Variants in NOL4 observed in about 807,000 individuals in gnomAD.
The protein encoded by NOL4 is nucleolar protein 4.
NOL4 carries 17 observed loss-of-function variants against 75.9 expected under a neutral mutation model. The ratio of observed to expected loss-of-function variants is 0.22; its 90% CI spans 0.15 to 0.34. The LOEUF is 0.34. Among genes scored for constraint, NOL4 ranks in the 10% least tolerant of loss-of-function variants. The pLI is 1.00. For missense variants in NOL4, 614 were observed against 793.5 expected, an observed-to-expected ratio of 0.77 and a Z score of 2.72; for synonymous variants, 292 against 289.9, an observed-to-expected ratio of 1.01 and a Z score of -0.07.
At chr18:34,125,578 T>C (rs2080347870) in intron 2 of NOL4, among the ~76,000 whole-genome samples, 1 of 152,042 alleles carries the variant, frequency 6.6e-6, no homozygotes, top group South Asian at 2.1e-4. Flanking sequence ...TAAAAAGAAC[T>C]AGGCAAAAAA....
chr18:34,125,281 T>C (rs2080333985), intron 2 of NOL4, among the ~76,000 whole-genome samples: 2 of 152,174 alleles, frequency 1.3e-5, no homozygotes, highest in South Asian at 4.1e-4. Flanking sequence ...CCTATTTCAA[T>C]ACTGTTAAGA....
intron 4 of NOL4, among the ~76,000 whole-genome samples, chr18:34,093,856 G>A (rs1246735163): frequency 2.0e-5 from 3 of 152,048 alleles, no homozygotes; most frequent in East Asian, 3.9e-4. Flanking sequence ...TGGCTAACAC[G>A]GTGAAACCCC....
intron 6 of NOL4, among the ~76,000 whole-genome samples, chr18:34,003,370 A>G (rs2073847398): frequency 6.6e-6 from 1 of 152,064 alleles, no homozygotes; most frequent in South Asian, 2.1e-4. Flanking sequence ...GGCTGGCATG[A>G]TATGTGGCAT....
At chr18:34,181,397 C>T (rs1031913140) in intron 1 of NOL4, among the ~76,000 whole-genome samples, 1 of 151,448 alleles carries the variant, frequency 6.6e-6, no homozygotes, top group Non-Finnish European at 1.5e-5. Flanking sequence ...ATACCTATGT[C>T]ATATCATATC....
chr18:33,857,047 A>G (rs1481996916), intron 10 of NOL4, among the ~76,000 whole-genome samples: 4 of 152,168 alleles, frequency 2.6e-5, no homozygotes, highest in South Asian at 2.1e-4. Flanking sequence ...AGTCACAACC[A>G]TATTATTTTA....
At chr18:34,153,087 GGTTGTTTCCA>G (rs2081722968) in intron 1 of NOL4, among the ~76,000 whole-genome samples, 2 of 151,596 alleles carry the variant, frequency 1.3e-5, no homozygotes, top group Admixed American at 6.6e-5. Context: ...GAAACAACGG[GGTTGTTTCCA>G]GTTGTTTCTA....
intron 5 of NOL4, among the ~76,000 whole-genome samples, chr18:34,070,694 C>A (rs1433626996): frequency 6.6e-6 from 1 of 151,892 alleles, no homozygotes; most frequent in African/African-American, 2.4e-5. Context: ...GTAGAAGCTG[C>A]ACTATAAGAC....
chr18:33,976,625 T>G (rs1273708148), intron 6 of NOL4, among the ~76,000 whole-genome samples: 1 of 152,154 alleles, frequency 6.6e-6, no homozygotes, highest in South Asian at 2.1e-4. Context: ...AGTACTTTGA[T>G]GTTTGATGAT....
intron 6 of NOL4, among the ~76,000 whole-genome samples, chr18:33,959,966 C>T (rs1179114625): frequency 6.6e-6 from 1 of 151,488 alleles, no homozygotes; most frequent in African/African-American, 2.4e-5. Flanking sequence ...TGCGTGTATG[C>T]ACATGTGTGT....
chr18:34,064,014 T>C (rs901573368), intron 5 of NOL4, among the ~76,000 whole-genome samples: 3 of 152,068 alleles, frequency 2.0e-5, no homozygotes, highest in African/African-American at 7.2e-5. Context: ...CACTGACTGG[T>C]ATAATTGAGT....
intron 5 of NOL4, among the ~76,000 whole-genome samples, chr18:34,025,642 T>G (rs547151392): frequency 6.6e-6 from 1 of 152,310 alleles, no homozygotes; most frequent in East Asian, 1.9e-4. Flanking sequence ...TGATTGATTA[T>G]CCTTTATCTG....
intron 1 of NOL4, among the ~76,000 whole-genome samples, chr18:34,165,255 A>G (rs1389153680): frequency 1.3e-5 from 2 of 151,834 alleles, no homozygotes; most frequent in Non-Finnish European, 2.9e-5. Flanking sequence ...ATAAAATAAA[A>G]TAAAATAAAG....
At chr18:34,207,758 A>G (rs892620113) in intron 1 of NOL4, among the ~76,000 whole-genome samples, 2 of 152,084 alleles carry the variant, frequency 1.3e-5, no homozygotes, top group Admixed American at 1.3e-4. Flanking sequence ...CATCTCCAGG[A>G]ACATGTAGCC....
intron 6 of NOL4, among the ~76,000 whole-genome samples, chr18:34,015,676 A>G (rs1280159694): frequency 6.6e-6 from 1 of 152,032 alleles, no homozygotes; most frequent in Admixed American, 6.6e-5. Context: ...TGAAATCTTT[A>G]AAATGTCTCT....
intron 5 of NOL4, among the ~76,000 whole-genome samples, chr18:34,072,762 C>G (rs2077577020): frequency 6.6e-6 from 1 of 151,994 alleles, no homozygotes; most frequent in Non-Finnish European, 1.5e-5. Flanking sequence ...CATTTTTAAG[C>G]TGTTTTTTAT....
chr18:33,872,553 A>T (rs904968579), intron 10 of NOL4, among the ~76,000 whole-genome samples: 1 of 152,020 alleles, frequency 6.6e-6, no homozygotes, highest in Non-Finnish European at 1.5e-5. Context: ...GCAATGACAA[A>T]ATGACCCAAA....
chr18:34,165,527 T>C (rs1242772215), intron 1 of NOL4, among the ~76,000 whole-genome samples: 1 of 152,196 alleles, frequency 6.6e-6, no homozygotes, highest in Non-Finnish European at 1.5e-5. Context: ...AATGTTTGCA[T>C]ATTGAAGTGC....
intron 4 of NOL4, among the ~76,000 whole-genome samples, chr18:34,095,634 T>A (rs2078743460): frequency 6.6e-6 from 1 of 152,174 alleles, no homozygotes; most frequent in South Asian, 2.1e-4. Context: ...GGGCGTGTAC[T>A]ATATTTAAAG....
At chr18:34,011,578 C>T (rs925569250) in intron 6 of NOL4, among the ~76,000 whole-genome samples, 5 of 151,510 alleles carry the variant, frequency 3.3e-5, no homozygotes, top group Admixed American at 2.0e-4. Context: ...AAGCATTTGA[C>T]CTTATTCTTA....
Sources: allele counts gnomAD v4.1 joint callset (sites outside exome capture counted in the v4.1 genomes callset), GRCh38; gene constraint gnomAD v4.1.1; transcripts MANE v1.5; gene names NCBI Gene and HGNC (gene_info 2026-07-23, HGNC 2026-07-21).